Variants in CAPS2 observed in about 807,000 individuals in gnomAD.
CAPS2 encodes calcyphosin-2.
In CAPS2, 98 loss-of-function variants were observed where a neutral mutation model predicts 86.5. The observed-to-expected ratio is 1.13, with a 90% confidence interval of 0.96 to 1.34. CAPS2 has a LOEUF of 1.34. Among genes scored for constraint, CAPS2 ranks in the 40% most tolerant of loss-of-function variants. The pLI is 0.00. For synonymous variants in CAPS2, 210 were observed against 225.1 expected (o/e 0.93, Z 0.60); for missense variants, 729 against 686.8 (o/e 1.06, Z -0.69).
In CAPS2 at chr12:75,323,198, G is replaced by T. The variant is rs11180461; in HGVS notation, c.156C>A (p.Ser52Arg). The T allele has an allele frequency of 2.1e-5, 32 of 1,543,840 alleles. No homozygotes were observed. The South Asian group carries it at 2.8e-4, about 13-fold the overall frequency. Reference sequence around the variant, plus strand: ...TTACCTCATCATCAGAGTCAACAAGGCTTCCCAAATCAAGTCGTGGGACCC... The same window carrying T: ...TTACCTCATCATCAGAGTCAACAAGTCTTCCCAAATCAAGTCGTGGGACCC... Residue 52 changes from serine (S) to arginine (R), a missense_variant, in exon 3 of 17, where the codon AGC (serine) becomes AGA (arginine). Physicochemically the swap from Ser to Arg is moderately radical, Grantham distance 110. Coordinates refer to ENST00000393284, the Ensembl canonical transcript of CAPS2.
At chr12:75,281,087 T>C (rs1010851139) in intron 16 of CAPS2, among the ~76,000 whole-genome samples, 11 of 151,886 alleles carry the variant, frequency 7.2e-5, no homozygotes, top group Non-Finnish European at 1.5e-4. Flanking sequence ...AGGAACTCCA[T>C]GTAAAATGGG....
intron 5 of CAPS2, among the ~76,000 whole-genome samples, chr12:75,321,033 T>C (rs766412532): frequency 4.6e-5 from 7 of 151,982 alleles, no homozygotes; most frequent in Non-Finnish European, 8.8e-5. Flanking sequence ...AAATCACTTA[T>C]CAATTTTAAA....
chr12:75,373,947 T>C (rs1482681600), intron 1 of CAPS2: 1 of 152,266 alleles, frequency 6.6e-6, no homozygotes, highest in Non-Finnish European at 1.5e-5. Flanking sequence ...ACCCAGTTCA[T>C]GATAGGCATT....
intron 9 of CAPS2, 79 bp from the exon 10 acceptor site, chr12:75,299,045 A>C: frequency 1.1e-6 from 1 of 911,072 alleles, no homozygotes; most frequent in Non-Finnish European, 1.7e-6. Context: ...TGTTCATCTC[A>C]AGAAGGATAG....
At chr12:75,355,531 C>T (rs2043098612) in intron 1 of CAPS2, among the ~76,000 whole-genome samples, 1 of 151,504 alleles carries the variant, frequency 6.6e-6, no homozygotes, top group African/African-American at 2.4e-5. Flanking sequence ...TGGGAATGTA[C>T]ACTCCACAAT....
intron 1 of CAPS2, chr12:75,390,493 G>GA (rs796766405): frequency 9.1e-5 from 37 of 405,936 alleles, no homozygotes; most frequent in Middle Eastern, 7.1e-4. Flanking sequence ...TTTAAAAACT[G>GA]AAAAAAATCT....
chr12:75,327,749 T>C (rs1329232599), upstream of CAPS2, among the ~76,000 whole-genome samples: 3 of 150,952 alleles, frequency 2.0e-5, no homozygotes, highest in Non-Finnish European at 4.4e-5. Flanking sequence ...ATTTTCCTGG[T>C]GGAATAATGT....
intron 1 of CAPS2, among the ~76,000 whole-genome samples, chr12:75,376,275 C>T (rs1015819022): frequency 4.6e-5 from 7 of 152,140 alleles, no homozygotes; most frequent in East Asian, 1.9e-4. Context: ...AAATTCAGCC[C>T]GATCCAACTT....
At chr12:75,326,845 T>C (rs537342663), upstream of CAPS2, among the ~76,000 whole-genome samples, 97 of 152,288 alleles carry the variant, frequency 6.4e-4, 1 homozygote, top group South Asian at 0.017. Flanking sequence ...GTGGGCTCAG[T>C]GTAACCACCA....
intron 1 of CAPS2, among the ~76,000 whole-genome samples, chr12:75,372,562 G>A (rs2044430383): frequency 6.6e-6 from 1 of 152,164 alleles, no homozygotes; most frequent in Non-Finnish European, 1.5e-5. Context: ...AGGGGTGATG[G>A]TGAGTGGTGC....
At chr12:75,341,994 T>C (rs1042348126) in intron 1 of CAPS2, among the ~76,000 whole-genome samples, 5 of 152,058 alleles carry the variant, frequency 3.3e-5, no homozygotes, top group Non-Finnish European at 7.4e-5. Flanking sequence ...CCACCCGCCT[T>C]GGCCTCCCAA....
chr12:75,314,482 G>A (rs1182503882), intron 6 of CAPS2, among the ~76,000 whole-genome samples: 2 of 151,930 alleles, frequency 1.3e-5, no homozygotes, highest in Non-Finnish European at 2.9e-5. Context: ...CATTTAATAT[G>A]TCCTATATAA....
chr12:75,282,563 T>G (rs1419193590), intron 15 of CAPS2, among the ~76,000 whole-genome samples: 2 of 152,138 alleles, frequency 1.3e-5, no homozygotes, highest in African/African-American at 2.4e-5. Flanking sequence ...TTTTTTGTAT[T>G]TTTAGTAGAG....
At chr12:75,346,438 T>G (rs1453879371) in intron 1 of CAPS2, among the ~76,000 whole-genome samples, 1 of 152,100 alleles carries the variant, frequency 6.6e-6, no homozygotes, top group Non-Finnish European at 1.5e-5. Flanking sequence ...TAACCCAGAC[T>G]GGAGTACAGT....
At chr12:75,357,151 C>G (rs2043207179) in intron 1 of CAPS2, among the ~76,000 whole-genome samples, 1 of 152,146 alleles carries the variant, frequency 6.6e-6, no homozygotes, top group African/African-American at 2.4e-5. Context: ...AATTTCACCA[C>G]TGTACTCCAG....
chr12:75,330,023 G>A (rs1014758099), upstream of CAPS2: 4 of 618,892 alleles, frequency 6.5e-6, no homozygotes, highest in African/African-American at 7.4e-5. Context: ...GAAAGCTTTA[G>A]ACAGGACAGT....
intron 15 of CAPS2, among the ~76,000 whole-genome samples, chr12:75,284,669 G>A (rs1352008825): frequency 6.6e-6 from 1 of 151,974 alleles, no homozygotes; most frequent in Non-Finnish European, 1.5e-5. Flanking sequence ...ATATATTCAC[G>A]TAGCTAGTCA....
chr12:75,306,974 G>A (rs1593410908), intron 7 of CAPS2, among the ~76,000 whole-genome samples: 1 of 152,030 alleles, frequency 6.6e-6, no homozygotes, highest in African/African-American at 2.4e-5. Flanking sequence ...AGAGGAGAAG[G>A]AGTAAGGGTA....
At chr12:75,334,838 G>T, upstream of CAPS2, 2 of 1,614,102 alleles carry the variant, frequency 1.2e-6, no homozygotes, top group South Asian at 2.2e-5. Context: ...ATAGACAACT[G>T]CATAGAAGCC....
Sources: gnomAD v4.1 joint callset for allele counts (sites outside exome capture counted in the v4.1 genomes callset) on GRCh38, gnomAD v4.1.1 for gene constraint, MANE v1.5 for transcripts, NCBI Gene and HGNC (gene_info 2026-07-23, HGNC 2026-07-21) for gene names.